Variants in ORC3 observed in about 807,000 individuals in gnomAD.
ORC3 encodes homolog of latheo, Drosophila.
In ORC3, 78 loss-of-function variants were observed where a neutral mutation model predicts 100.7. The observed-to-expected ratio is 0.77, with a 90% CI of 0.65 to 0.94. The LOEUF is 0.94. ORC3 is among the 40% of genes least tolerant of loss of function. The probability of loss-of-function intolerance (pLI) is 0.00; values close to 1 mark genes in which losing one functional copy is unlikely to be tolerated. For synonymous variants in ORC3, 295 were observed against 289.3 expected, an observed-to-expected ratio of 1.02 and a Z score of -0.20; for missense variants, 789 against 823.9, an observed-to-expected ratio of 0.96 and a Z score of 0.52.
intron 13 of ORC3, among the ~76,000 whole-genome samples, chr6:87,648,995 AG>A (rs1245086705): frequency 6.6e-6 from 1 of 152,148 alleles, no homozygotes; most frequent in African/African-American, 2.4e-5. Flanking sequence ...ACCATGTACC[AG>A]TGTGTATTTC....
intron 9 of ORC3, among the ~76,000 whole-genome samples, chr6:87,620,899 A>G (rs1583060319): frequency 6.6e-6 from 1 of 152,206 alleles, no homozygotes; most frequent in Non-Finnish European, 1.5e-5. Context: ...ATAAATTTTC[A>G]TCATTCACTT....
intron 12 of ORC3, 93 bp from the exon 13 acceptor site, chr6:87,636,314 T>C: frequency 2.8e-6 from 2 of 726,266 alleles, no homozygotes; most frequent in South Asian, 1.7e-5. Flanking sequence ...TTTAATAACA[T>C]TAATTTTTTT....
At position 87,636,465 on chromosome 6, in the gene ORC3, C is replaced by T; in HGVS notation, c.1361C>T (p.Ala454Val). ...AACATATGGGATTCAGAGGAGTATG[C>T]ATCAGTCTTGCAGCTGCTGAGGTAG... ...EKNIWDSEEY[A>V]SVLQLLRMLA... is the part of the protein sequence containing the mutation. Residue 454 changes from alanine (A) to valine (V), a missense_variant, in exon 13 of 20, where the codon GCA becomes GTA. Transcript: ENST00000392844. 6.2e-7 allele frequency: 1 copy of T among 1,610,436 alleles called. No individual in the cohort carries two copies.
chr6:87,590,282 T>C, intron 1 of ORC3, 90 bp downstream of exon 1: 3 of 1,379,208 alleles, frequency 2.2e-6, no homozygotes, highest in Non-Finnish European at 3.1e-6. Context: ...AGGCATCCCT[T>C]CCCTGGCTGG....
intron 1 of ORC3, among the ~76,000 whole-genome samples, chr6:87,591,074 A>G (rs1171641547): frequency 6.6e-6 from 1 of 152,242 alleles, no homozygotes; most frequent in African/African-American, 2.4e-5. Flanking sequence ...ATTAAATAAA[A>G]ATTCAGTTTC....
intron 15 of ORC3, among the ~76,000 whole-genome samples, chr6:87,657,469 G>A (rs1467719338): frequency 1.3e-5 from 2 of 152,024 alleles, no homozygotes; most frequent in Non-Finnish European, 1.5e-5. Flanking sequence ...CTTGATTGTC[G>A]AAATGAAGAA....
At chr6:87,620,353 T>A (rs1036070368) in intron 9 of ORC3, among the ~76,000 whole-genome samples, 1 of 152,262 alleles carries the variant, frequency 6.6e-6, no homozygotes, top group African/African-American at 2.4e-5. Flanking sequence ...TTCTATTTTG[T>A]ACTTGTTTCT....
At chr6:87,654,181 T>C (rs1769487799) in intron 14 of ORC3, among the ~76,000 whole-genome samples, 1 of 152,204 alleles carries the variant, frequency 6.6e-6, no homozygotes, top group Admixed American at 6.5e-5. Flanking sequence ...GGCAAGTGCT[T>C]CTTTGTCTTA....
In ORC3 at chr6:87,602,321, G is replaced by A. The variant is rs868176029; in HGVS notation, c.177+440G>A. ...AGGCAAGGAGCTTTCAAATGGTGAC[G>A]CTCTTAAATTATCCTTTCAGGTATA... On this transcript the variant is annotated intron_variant, in intron 3 of 19. Coordinates refer to ENST00000392844, the MANE Select transcript of ORC3 (RefSeq NM_012381.4). 6.6e-5 allele frequency among the ~76,000 whole-genome samples: 10 copies of A among 152,304 alleles called. No homozygotes were observed. The South Asian group carries it at 8.3e-4, about 13-fold the overall frequency.
At chr6:87,594,226 A>T (rs1777256821) in intron 1 of ORC3, 127 bp from the exon 2 acceptor site, 1 of 595,744 alleles carries the variant, frequency 1.7e-6, no homozygotes, top group East Asian at 2.6e-5. Context: ...TTAGAACCTG[A>T]AAGAAATGTG....
In ORC3 at chr6:87,609,378, C is replaced by A. The variant is rs1402598182; in HGVS notation, c.713+149C>A. On this transcript the variant is annotated intron_variant, in intron 7 of 19. Coordinates refer to ENST00000392844, the MANE Select transcript of ORC3 (RefSeq NM_012381.4). ...TTATAATTGAATATTCAAAGACTTC[C>A]TATCAGATTTTCCATTTGCTTTTTG... 1.2e-5 allele frequency: 7 copies of A among 561,752 alleles called. No homozygotes were observed. The East Asian group carries it at 2.0e-4, about 16-fold the overall frequency. The allele number at this position is 561,752 out of a possible 1,614,324, so 34.8% of individuals were successfully genotyped here. A position where few individuals can be genotyped will look rare whatever the true frequency, so the allele number is the denominator to read the frequency against.
In ORC3 at chr6:87,636,394, T is replaced by A; in HGVS notation, c.1303-13T>A. The stretch of plus-strand genomic sequence containing the variant: ...CACTTTTGGTTCCTCACAAATGTGT[T>A]GTTCCCTTACAGATCAGAGAGTTGT... On this transcript the variant is annotated splice_polypyrimidine_tract_variant and intron_variant, in intron 12 of 19. Coordinates refer to ENST00000392844, the MANE Select transcript of ORC3 (RefSeq NM_012381.4). The A allele has an allele frequency of 6.4e-7, 1 of 1,570,962 alleles. No individual in the cohort carries two copies. The highest frequency in any genetic ancestry group is 8.8e-7 in the Non-Finnish European group (1 of 1,142,420).
intron 8 of ORC3, among the ~76,000 whole-genome samples, chr6:87,613,627 G>A (rs1411284950): frequency 1.3e-5 from 2 of 152,192 alleles, no homozygotes; most frequent in Non-Finnish European, 2.9e-5. Flanking sequence ...TTACTTCCTA[G>A]ATACAATGGG....
At chr6:87,656,353 C>T (rs144992450) in intron 14 of ORC3, among the ~76,000 whole-genome samples, 4,016 of 152,110 alleles carry the variant, frequency 0.026, 177 homozygotes, top group African/African-American at 0.092. Flanking sequence ...TTTGGGAGGC[C>T]AAAGCGGGTG....
intron 7 of ORC3, among the ~76,000 whole-genome samples, chr6:87,611,428 G>A (rs1778758333): frequency 1.3e-5 from 2 of 152,050 alleles, no homozygotes; most frequent in African/African-American, 4.8e-5. Flanking sequence ...CTATAGAAAG[G>A]GCTCAAACTT....
chr6:87,615,243 TG>T (rs1464450533), intron 8 of ORC3, among the ~76,000 whole-genome samples: 1 of 152,152 alleles, frequency 6.6e-6, no homozygotes, highest in Non-Finnish European at 1.5e-5. Context: ...GAGAACAGCA[TG>T]GGAAAGACTT....
rs1242615533 is a variant in ORC3, at chr6:87,609,087, G to A, written c.580-9G>A. On this transcript the variant is annotated splice_polypyrimidine_tract_variant and intron_variant, in intron 6 of 19. Coordinates refer to ENST00000392844, the MANE Select transcript of ORC3 (RefSeq NM_012381.4). ...CCTTTAACTCTTTCTTTCTGCAATG[G>A]CTTAAAAGAAGACGGACCCAAAAAT... 2 of 1,592,366 alleles carry A rather than the reference G, an allele frequency of 1.3e-6. No homozygotes were observed. Among genetic ancestry groups the A allele is most frequent in the South Asian group, 1.2e-5 (1 of 86,874 alleles).
At chr6:87,615,785 C>G (rs546653959) in intron 8 of ORC3, among the ~76,000 whole-genome samples, 2 of 152,344 alleles carry the variant, frequency 1.3e-5, no homozygotes, top group East Asian at 3.9e-4. Context: ...TGTGACTTTT[C>G]ATTTCCAGAT....
chr6:87,637,820 A>T (rs886987843), intron 13 of ORC3, among the ~76,000 whole-genome samples: 7 of 152,260 alleles, frequency 4.6e-5, no homozygotes, highest in Non-Finnish European at 1.0e-4. Flanking sequence ...TAATGGTGAT[A>T]GCAGTAACCA....
Sources: gnomAD v4.1 joint callset for allele counts (sites outside exome capture counted in the v4.1 genomes callset) on GRCh38, gnomAD v4.1.1 for gene constraint, MANE v1.5 for transcripts, NCBI Gene and HGNC (gene_info 2026-07-23, HGNC 2026-07-21) for gene names.